DMTN: variants seen among roughly 807,000 people sequenced by gnomAD.
DMTN encodes dematin actin binding protein, also known as dematin.
In DMTN, 27 loss-of-function variants were observed where a neutral mutation model predicts 59.4. The ratio of observed to expected loss-of-function variants is 0.45; its 90% CI spans 0.33 to 0.63. DMTN has a LOEUF of 0.63. Ranked by LOEUF, DMTN falls within the 20% of genes least tolerant of loss-of-function variation. DMTN has a pLI of 0.02. For synonymous variants in DMTN, 221 were observed against 203.7 expected (o/e 1.08, Z -0.72); for missense variants, 451 against 528.9 (o/e 0.85, Z 1.45).
At chr8:22,069,166 C>T (rs772324253) in intron 5 of DMTN, 106 bp downstream of exon 5, 8 of 1,329,418 alleles carry the variant, frequency 6.0e-6, no homozygotes, top group Admixed American at 4.6e-5. Flanking sequence ...AGGGAGTGCC[C>T]GAATCAGCGG....
chr8:22,052,018 A>C (rs536441450), upstream of DMTN, among the ~76,000 whole-genome samples: 21 of 152,256 alleles, frequency 1.4e-4, no homozygotes, highest in South Asian at 2.7e-3. Flanking sequence ...GCATGTCCCC[A>C]TTCTCATTTG....
At chr8:22,067,270 G>A in intron 3 of DMTN, 111 bp downstream of exon 3, 1 of 1,244,580 alleles carries the variant, frequency 8.0e-7, no homozygotes, top group Non-Finnish European at 1.1e-6. Flanking sequence ...TGGTCCCTCC[G>A]GTGCTGGCGG....
chr8:22,079,285 T>A (rs867091433), intron 10 of DMTN, among the ~76,000 whole-genome samples: 3 of 54,246 alleles, frequency 5.5e-5, no homozygotes, highest in African/African-American at 1.9e-4. Flanking sequence ...TAAATATATA[T>A]ATATATATAT....
chr8:22,081,655 C>T lies in DMTN; in HGVS notation c.*192C>T, dbSNP rs1824347089. ...TCTTCCCCCTCACAAGGCTGGGGGCCTCCTGCTCTCGTCCCTGGCCCTCCC... is the reference window on the plus strand; with the variant it reads ...TCTTCCCCCTCACAAGGCTGGGGGCTTCCTGCTCTCGTCCCTGGCCCTCCC... On this transcript the variant is annotated 3_prime_UTR_variant, in exon 16 of 16. Coordinates refer to ENST00000358242, the MANE Select transcript of DMTN (RefSeq NM_001387751.1). 6.5e-6 allele frequency: 4 copies of T among 612,598 alleles called. No homozygotes were observed. The highest frequency in any genetic ancestry group is 3.8e-5 in the South Asian group (2 of 52,646). 37.9% of individuals were successfully genotyped at this position (612,598 alleles called of 1,614,324 possible).
At chr8:22,073,950 C>A in intron 10 of DMTN, 115 bp downstream of exon 10, 1 of 764,568 alleles carries the variant, frequency 1.3e-6, no homozygotes, top group Non-Finnish European at 2.2e-6. Flanking sequence ...AGCACGGCTG[C>A]TCTCTTGGGA....
intron 6 of DMTN, 69 bp downstream of exon 6, chr8:22,069,587 G>T (rs146914678): frequency 1.5e-6 from 2 of 1,331,554 alleles, no homozygotes; most frequent in African/African-American, 1.5e-5. Flanking sequence ...ATCCCCTTAC[G>T]CTCAGTCCCC....
At chr8:22,067,749 A>C (rs1811967425) in intron 4 of DMTN, 67 bp downstream of exon 4, 1 of 1,566,818 alleles carries the variant, frequency 6.4e-7, no homozygotes, top group Non-Finnish European at 8.7e-7. Flanking sequence ...GTGGGGACCG[A>C]TCCCTCCCGT....
At chr8:22,081,019 C>A in intron 14 of DMTN, 94 bp from the exon 15 acceptor site, 1 of 1,483,670 alleles carries the variant, frequency 6.7e-7, no homozygotes, top group South Asian at 1.2e-5. Flanking sequence ...ATGGCATGAA[C>A]CCCAGTGGCC....
In DMTN at chr8:22,067,059, C is replaced by A. The variant is rs199889500; in HGVS notation, c.19-26C>A. The A allele has an allele frequency of 6.3e-6, 10 of 1,582,394 alleles. No homozygotes were observed. The East Asian group carries it at 2.2e-4, about 35-fold the overall frequency. ...GCTCCCGCACACACGCACGTGCCCA[C>A]CCGCCCGCCTTCTCGCTCTCCCCAG... On this transcript the variant is annotated intron_variant, in intron 2 of 15. Transcript: ENST00000358242.
chr8:22,069,183 G>T, intron 5 of DMTN, 123 bp downstream of exon 5: 1 of 1,155,470 alleles, frequency 8.7e-7, no homozygotes, highest in Non-Finnish European at 1.2e-6. Flanking sequence ...GCGGCCCCCT[G>T]GCTGTCACTG....
upstream of DMTN, among the ~76,000 whole-genome samples, chr8:22,056,719 C>A (rs1056649633): frequency 3.3e-5 from 5 of 152,188 alleles, no homozygotes; most frequent in Non-Finnish European, 7.4e-5. Flanking sequence ...CACATCCACA[C>A]ACACACCCTT....
intron 5 of DMTN, 103 bp from the exon 6 acceptor site, chr8:22,069,316 C>T: frequency 9.3e-7 from 1 of 1,070,996 alleles, no homozygotes; most frequent in Admixed American, 2.5e-5. Flanking sequence ...AGGGATGCAG[C>T]CGGCCAGGAT....
chr8:22,066,924 C>G (rs1419684413), intron 2 of DMTN, 31 bp downstream of exon 2: 4 of 1,239,400 alleles, frequency 3.2e-6, no homozygotes, highest in South Asian at 3.2e-5. Context: ...CCGGGGCCGC[C>G]GAGGGCGGGT....
At position 22,080,821 on chromosome 8, in the gene DMTN, G is replaced by C. The variant is rs377270683; in HGVS notation, c.974G>C (p.Arg325Thr). The change falls in exon 14 of 16, where the codon AGG becomes ACG. Residue 325 changes from arginine (R) to threonine (T), a missense_variant. By Grantham distance (71) the Arg-to-Thr change is moderately conservative. Coordinates refer to ENST00000358242, the MANE Select transcript of DMTN (RefSeq NM_001387751.1). ...SPGLQNGEGQ[R>T]GRMDRGNSLP... ...TCTCCCCAGAACGGAGAGGGCCAGA[G>C]GGGGAGGATGGACCGGGGGAACTCC... 1.9e-6 allele frequency: 3 copies of C among 1,601,988 alleles called. No homozygotes were observed. The highest frequency in any genetic ancestry group is 1.7e-6 in the Non-Finnish European group (2 of 1,172,182).
chr8:22,053,993 C>T (rs907564371), upstream of DMTN, among the ~76,000 whole-genome samples: 1 of 151,966 alleles, frequency 6.6e-6, no homozygotes, highest in African/African-American at 2.4e-5. Flanking sequence ...GGGAGGAGGC[C>T]GGAGGCAGAG....
intron 1 of DMTN, among the ~76,000 whole-genome samples, chr8:22,066,263 C>A (rs1563435743): frequency 6.6e-6 from 1 of 152,218 alleles, no homozygotes; most frequent in Non-Finnish European, 1.5e-5. Flanking sequence ...GTGCGGATGT[C>A]AGGTTTTGGA....
intron 3 of DMTN, 52 bp downstream of exon 3, chr8:22,067,211 G>T: frequency 6.3e-7 from 1 of 1,582,490 alleles, no homozygotes. Context: ...GGGGGAGGGT[G>T]GGGGACCCCT....
At chr8:22,056,555 G>GGTGCGTGTAGGTGTGTGT (rs1563383600), upstream of DMTN, among the ~76,000 whole-genome samples, 1 of 151,826 alleles carries the variant, frequency 6.6e-6, no homozygotes, top group African/African-American at 2.4e-5. Context: ...AGGGGCTCTG[G>GGTGCGTGTAGGTGTGTGT]GTGCGTGTGG....
intron 10 of DMTN, among the ~76,000 whole-genome samples, chr8:22,078,840 A>C (rs1438674974): frequency 1.8e-5 from 2 of 110,000 alleles, no homozygotes; most frequent in African/African-American, 7.1e-5. Flanking sequence ...TCTATCACCC[A>C]GGCTGGAGTG....
Sources: gnomAD v4.1 joint callset for allele counts (sites outside exome capture counted in the v4.1 genomes callset) on GRCh38, gnomAD v4.1.1 for gene constraint, MANE v1.5 for transcripts, NCBI Gene and HGNC (gene_info 2026-07-23, HGNC 2026-07-21) for gene names.